Variants in SHKBP1 observed in about 807,000 individuals in gnomAD.
SHKBP1 encodes SH3KBP1-binding protein 1.
SHKBP1 carries 71 observed loss-of-function variants against 83.9 expected under a neutral mutation model. That is an observed-to-expected ratio of 0.85 (90% confidence interval 0.70 to 1.03). The LOEUF (loss-of-function observed/expected upper bound fraction) is 1.03. Among genes scored for constraint, SHKBP1 ranks in the 50% least tolerant of loss-of-function variants. The pLI, the probability that SHKBP1 is intolerant of heterozygous loss-of-function variation, is 0.00. For synonymous variants in SHKBP1, 371 were observed against 398.0 expected (o/e 0.93, Z 0.81); for missense variants, 824 against 982.4 (o/e 0.84, Z 2.16).
At chr19:40,581,014 C>T in intron 9 of SHKBP1, 78 bp downstream of exon 9, 1 of 1,369,882 alleles carries the variant, frequency 7.3e-7, no homozygotes. Flanking sequence ...CCCATAAAAT[C>T]CTCAAACCCA....
At position 40,591,378 on chromosome 19, in the gene SHKBP1, A is replaced by G; in HGVS notation, c.*171A>G. ...TCTGGAAGCCAAAGTCACCCTCCCC[A>G]ATAAAGTCCTCACTGCCAACATCTT... On this transcript the variant is annotated 3_prime_UTR_variant, in exon 18 of 18. Coordinates refer to ENST00000291842, the MANE Select transcript of SHKBP1 (RefSeq NM_138392.4). 1 of 550,962 alleles carries G rather than the reference A, an allele frequency of 1.8e-6. No homozygotes were observed. The allele number at this position is 550,962 out of a possible 1,614,324, so 34.1% of individuals were successfully genotyped here. A position where few individuals can be genotyped will look rare whatever the true frequency, so the allele number is the denominator to read the frequency against.
At chr19:40,588,846 G>C (rs780244247) in intron 14 of SHKBP1, 67 bp downstream of exon 14, 535 of 1,575,156 alleles carry the variant, frequency 3.4e-4, no homozygotes, top group Non-Finnish European at 4.4e-4. Context: ...GACCTCCGCT[G>C]ATTCCCACTT....
In SHKBP1 at chr19:40,576,935, C is replaced by A; in HGVS notation, c.36C>A (p.Pro12=). The A allele has an allele frequency of 6.7e-7, 1 of 1,492,706 alleles. No individual in the cohort carries two copies. Among genetic ancestry groups the A allele is most frequent in the Non-Finnish European group, 8.9e-7 (1 of 1,125,496 alleles). The allele number at this position is 1,492,706 out of a possible 1,614,324, so 92.5% of individuals were successfully genotyped here. Residue 12 remains proline (P), a synonymous_variant, in exon 1 of 18, where the codon CCC becomes CCA. Transcript: ENST00000291842. ...AAAATAAEGV[P]SRGPPGEVIH... is the part of the protein sequence containing the mutation. The stretch of plus-strand genomic sequence containing the variant: ...CGGCTACTGCAGCCGAGGGGGTCCC[C>A]AGTCGGGGGCCTCCCGGGGAAGTCA...
chr19:40,588,761 A>G lies in SHKBP1; in HGVS notation c.1474A>G (p.Ser492Gly), dbSNP rs762192567. 3 of 1,613,578 alleles carry G rather than the reference A, an allele frequency of 1.9e-6. No individual in the cohort carries two copies. The highest frequency in any genetic ancestry group is 2.2e-5 in the East Asian group (1 of 44,882). Residue 492 changes from serine (S) to glycine (G), a missense_variant, in exon 14 of 18, where the codon AGT (serine) becomes GGT (glycine). Around this residue, in one of 3 missense-constraint regions of SHKBP1, gnomAD observed 287 missense variants for 322.9 expected, o/e 0.89. Coordinates refer to ENST00000291842, the MANE Select transcript of SHKBP1 (RefSeq NM_138392.4). Reference sequence around the variant, plus strand: ...GTCGGCAGATGGGCATGGCGGCTGCAGTGCTGGCAATGACATTGGTGCCTA... The same window carrying G: ...GTCGGCAGATGGGCATGGCGGCTGCGGTGCTGGCAATGACATTGGTGCCTA... ...LESADGHGGC[S>G]AGNDIGPYGE...
At chr19:40,588,891 G>A in intron 14 of SHKBP1, 112 bp downstream of exon 14, 2 of 1,446,084 alleles carry the variant, frequency 1.4e-6, no homozygotes, top group Non-Finnish European at 9.4e-7. Context: ...CAACGATTGG[G>A]GTGTCCTGAT....
Position 40,578,217 on chromosome 19 carries a change from G to A in SHKBP1, c.319+5G>A. 1 of 1,613,986 alleles carries A rather than the reference G, an allele frequency of 6.2e-7. No individual in the cohort carries two copies. The highest frequency in any genetic ancestry group is 8.5e-7 in the Non-Finnish European group (1 of 1,179,866). On this transcript the variant is annotated splice_donor_5th_base_variant and intron_variant, in intron 5 of 17. Coordinates refer to ENST00000291842, the MANE Select transcript of SHKBP1 (RefSeq NM_138392.4). ...TCTATGGGCTCACTCCTCTGGGTAA[G>A]TGGGAGCCCCCAGCTATCATCCTCA... is the stretch of plus-strand genomic sequence containing the variant.
In SHKBP1 at chr19:40,590,293, G is replaced by C; in HGVS notation, c.1639G>C (p.Val547Leu). 6.2e-7 allele frequency: 1 copy of C among 1,608,386 alleles called. No homozygotes were observed. Among genetic ancestry groups the C allele is most frequent in the Non-Finnish European group, 8.5e-7 (1 of 1,178,000 alleles). The change falls in exon 16 of 18, where the codon GTG becomes CTG. Residue 547 changes from valine to leucine, a missense_variant. Around this residue, in one of 3 missense-constraint regions of SHKBP1, gnomAD observed 287 missense variants for 322.9 expected, o/e 0.89. Transcript: ENST00000291842. This position sits in a 1 kb window ranked among gnomAD's most constrained non-coding sequence, Gnocchi z 4.6. ...VDGSPTTAFTVLECEGSRRLG... is the reference protein window; with the variant it reads ...VDGSPTTAFTLLECEGSRRLG... ...CGGCTCACCCACGACAGCCTTCACA[G>C]TGCTGGAGTGCGAGGGCTCCCGGCG...
Position 40,590,828 on chromosome 19 carries a change from C to A in SHKBP1, c.1867C>A (p.Pro623Thr). The stretch of plus-strand genomic sequence containing the variant: ...TCCCTCATGGGGCTGTCTCCCCAGC[C>A]CCTCACCCCGCATCTCCCTCACCAG... Reference protein sequence around the residue: ...SAPSWGCLPSPSPRISLTSLH... With the variant: ...SAPSWGCLPSTSPRISLTSLH... The change falls in exon 17 of 18, where the codon CCC (proline) becomes ACC (threonine). Residue 623 changes from proline (P) to threonine (T), a missense_variant. Coordinates refer to ENST00000291842, the MANE Select transcript of SHKBP1 (RefSeq NM_138392.4). This position sits in a 1 kb window ranked among gnomAD's most constrained non-coding sequence, Gnocchi z 4.6. The A allele has an allele frequency of 6.3e-7, 1 of 1,591,448 alleles. No individual in the cohort carries two copies. Among genetic ancestry groups the A allele is most frequent in the East Asian group, 2.3e-5 (1 of 44,238 alleles).
At chr19:40,586,965 C>T (rs985793785) in intron 13 of SHKBP1, 21 bp downstream of exon 13, 2 of 1,573,032 alleles carry the variant, frequency 1.3e-6, no homozygotes, top group African/African-American at 2.7e-5. Flanking sequence ...GTGGGGTGCT[C>T]CAGTGCTGGG....
chr19:40,583,660 C>A lies in SHKBP1; in HGVS notation c.1108C>A (p.Arg370=), dbSNP rs532106270. ...DNDLLVSELY[R]DPAEDGVTAL... ...CGACCTCCTTGTCAGCGAGCTCTATCGGGACCCAGCGGAGGATGGGGTCAC... is the reference window on the plus strand; with the variant it reads ...CGACCTCCTTGTCAGCGAGCTCTATAGGGACCCAGCGGAGGATGGGGTCAC... The change falls in exon 12 of 18, where the codon CGG becomes AGG. Residue 370 remains arginine, a synonymous_variant. Transcript: ENST00000291842. 2 of 1,602,894 alleles carry A rather than the reference C, an allele frequency of 1.2e-6. No individual in the cohort carries two copies.
intron 4 of SHKBP1, chr19:40,577,865 G>A (rs1343810508): frequency 1.6e-6 from 1 of 620,306 alleles, no homozygotes; most frequent in Admixed American, 2.9e-5. Context: ...AACATAGCGA[G>A]ACCCCTTCTC....
chr19:40,585,408 AGCT>A (rs1005579225), intron 12 of SHKBP1, among the ~76,000 whole-genome samples: 20 of 151,322 alleles, frequency 1.3e-4, no homozygotes, highest in African/African-American at 4.4e-4. Flanking sequence ...GCTTGGCCAT[AGCT>A]GCTGCTGCTG....
Position 40,580,420 on chromosome 19 carries a change from C to A in SHKBP1, c.497C>A (p.Pro166His). The part of the protein sequence containing the change: ...APVRRSNTMP[P>H]NLGNAGLLGR... ...GTCCGACGGAGCAACACGATGCCCC[C>A]CAACCTTGGCAATGCAGGGCTGCTG... Residue 166 changes from proline (P) to histidine (H), a missense_variant, in exon 7 of 18, where the codon CCC becomes CAC. Coordinates refer to ENST00000291842, the MANE Select transcript of SHKBP1 (RefSeq NM_138392.4). 4 of 1,614,192 alleles carry A rather than the reference C, an allele frequency of 2.5e-6. No individual in the cohort carries two copies. Among genetic ancestry groups the A allele is most frequent in the Non-Finnish European group, 3.4e-6 (4 of 1,180,030 alleles).
In SHKBP1 at chr19:40,588,628, T is replaced by C. The variant is rs1399238704; in HGVS notation, c.1341T>C (p.Cys447=). Residue 447 remains cysteine, a synonymous_variant, in exon 14 of 18, where the codon TGT becomes TGC. Transcript: ENST00000291842. Reference sequence around the variant, plus strand: ...TGCTCTCCTTGTGCCCCTCAGTCTGTGCCGACAACAACCACGTGCGGACAT... The same window carrying C: ...TGCTCTCCTTGTGCCCCTCAGTCTGCGCCGACAACAACCACGTGCGGACAT... ...MLSEKHLISV[C]ADNNHVRTWS... 5 of 1,614,096 alleles carry C rather than the reference T, an allele frequency of 3.1e-6. No individual in the cohort carries two copies. Among genetic ancestry groups the C allele is most frequent in the Non-Finnish European group, 3.4e-6 (4 of 1,180,042 alleles).
chr19:40,591,382 A>C lies in SHKBP1; in HGVS notation c.*175A>C. The C allele has an allele frequency of 7.4e-6, 4 of 537,086 alleles. No individual in the cohort carries two copies. Among genetic ancestry groups the C allele is most frequent in the Non-Finnish European group, 9.5e-6 (3 of 314,248 alleles). The allele number at this position is 537,086 out of a possible 1,614,324, so 33.3% of individuals were successfully genotyped here. Reference sequence around the variant, plus strand: ...GAAGCCAAAGTCACCCTCCCCAATAAAGTCCTCACTGCCAACATCTTGCTT... The same window carrying C: ...GAAGCCAAAGTCACCCTCCCCAATACAGTCCTCACTGCCAACATCTTGCTT... On this transcript the variant is annotated 3_prime_UTR_variant, in exon 18 of 18. Transcript: ENST00000291842.
chr19:40,582,284 G>A lies in SHKBP1; in HGVS notation c.845-67G>A, dbSNP rs1395919871. Reference sequence around the variant, plus strand: ...CCCACTGAACCCTCTGGTCCTTGGAGTTCTTCCTCCCACCTCTCCTCCTCC... The same window carrying A: ...CCCACTGAACCCTCTGGTCCTTGGAATTCTTCCTCCCACCTCTCCTCCTCC... On this transcript the variant is annotated intron_variant, in intron 9 of 17. Transcript: ENST00000291842. The A allele has an allele frequency of 3.1e-6, 4 of 1,287,082 alleles. No individual in the cohort carries two copies. In the South Asian group the frequency reaches 3.6e-5, roughly 11 times the overall value. The allele number at this position is 1,287,082 out of a possible 1,614,324, so 79.7% of individuals were successfully genotyped here. A position where few individuals can be genotyped will look rare whatever the true frequency, so the allele number is the denominator to read the frequency against.
rs1468975780 is a variant in SHKBP1, at chr19:40,578,223, G to A, written c.319+11G>A. On this transcript the variant is annotated intron_variant, in intron 5 of 17. Coordinates refer to ENST00000291842, the MANE Select transcript of SHKBP1 (RefSeq NM_138392.4). ...GGCTCACTCCTCTGGGTAAGTGGGA[G>A]CCCCCAGCTATCATCCTCATTGTAT... 6.2e-7 allele frequency: 1 copy of A among 1,613,454 alleles called. No individual in the cohort carries two copies.
chr19:40,577,067 T>C (rs911064880), intron 1 of SHKBP1, 82 bp downstream of exon 1: 2 of 1,239,266 alleles, frequency 1.6e-6, no homozygotes, highest in Non-Finnish European at 2.2e-6. Flanking sequence ...GGGGAATCCC[T>C]GTCCATCAAG....
In SHKBP1 at chr19:40,576,889, G is replaced by T. The variant is rs761564279; in HGVS notation, c.-11G>T. 74 of 1,444,488 alleles carry T rather than the reference G, an allele frequency of 5.1e-5. No homozygotes were observed. Among genetic ancestry groups the T allele is most frequent in the Admixed American group, 6.2e-5 (2 of 32,108 alleles). 89.5% of individuals were successfully genotyped at this position (1,444,488 alleles called of 1,614,324 possible). A position where few individuals can be genotyped will look rare whatever the true frequency, so the allele number is the denominator to read the frequency against. On this transcript the variant is annotated 5_prime_UTR_variant, in exon 1 of 18. Coordinates refer to ENST00000291842, the MANE Select transcript of SHKBP1 (RefSeq NM_138392.4). ...GAAGTGGGTGCGGGCCAGCCGGCTC[G>T]CCCGGGGGCCATGGCAGCAGCGGCT...
Sources: allele counts gnomAD v4.1 joint callset (sites outside exome capture counted in the v4.1 genomes callset), GRCh38; gene constraint gnomAD v4.1.1; regional missense constraint gnomAD v4.1.1; non-coding constraint Gnocchi (gnomAD v3.1); transcripts MANE v1.5; gene names NCBI Gene and HGNC (gene_info 2026-07-23, HGNC 2026-07-21).